Variants in MBD5 observed in about 807,000 individuals in gnomAD.
The protein encoded by MBD5 is methyl-CpG binding domain protein 5, also known as methyl-CpG-binding domain protein 5.
In MBD5, 13 loss-of-function variants were observed where a neutral mutation model predicts 117.3. That is an observed-to-expected ratio of 0.11 (90% CI 0.07 to 0.18). The LOEUF (loss-of-function observed/expected upper bound fraction) is 0.18, where lower values mean the gene tolerates loss of function less well. MBD5 is among the 10% of genes least tolerant of loss of function. MBD5 has a pLI of 1.00. For missense variants in MBD5, 1,879 were observed against 2,093.8 expected (o/e 0.90, Z 2.00); for synonymous variants, 727 against 766.4 (o/e 0.95, Z 0.85).
chr2:148,160,158 G>C (rs150885339), intron 1 of MBD5, among the ~76,000 whole-genome samples: 4,989 of 152,294 alleles, frequency 0.033, 111 homozygotes, highest in Middle Eastern at 0.068. Context: ...CCAGCACTTT[G>C]GGAGGCCGAG....
chr2:148,236,095 G>T (rs1700086163), intron 3 of MBD5, among the ~76,000 whole-genome samples: 1 of 152,034 alleles, frequency 6.6e-6, no homozygotes. Context: ...CACCATACTG[G>T]CCTCCTTTTG....
intron 4 of MBD5, among the ~76,000 whole-genome samples, chr2:148,412,272 T>TTTTTTTTGTGTGTGTG (rs946184910): frequency 1.3e-3 from 184 of 144,568 alleles, no homozygotes; most frequent in African/African-American, 4.7e-3. Flanking sequence ...AGTATACTTT[T>TTTTTTTTGTGTGTGTG]TGTGTGTGTG....
chr2:148,432,270 C>A (rs113621792), intron 4 of MBD5, among the ~76,000 whole-genome samples: 1 of 151,900 alleles, frequency 6.6e-6, no homozygotes, highest in Admixed American at 6.6e-5. Flanking sequence ...ATATTAGACC[C>A]TTGTCAGATG....
rs1371089627 is a variant in MBD5, at chr2:148,470,118, C to T, written c.2175C>T (p.Ala725=). 2 of 1,613,842 alleles carry T rather than the reference C, an allele frequency of 1.2e-6. No individual in the cohort carries two copies. The highest frequency in any genetic ancestry group is 2.2e-5 in the East Asian group (1 of 44,852). Residue 725 remains alanine, a synonymous_variant, in exon 8 of 14, where the codon GCC becomes GCT. Coordinates refer to ENST00000642680, the MANE Select transcript of MBD5 (RefSeq NM_001378120.1). ...LSSNSTPGCG[A]SNTALPCSAN... is the part of the protein sequence containing the mutation. ...GCAATAGTACCCCGGGTTGTGGGGC[C>T]TCAAATACTGCTTTGCCTTGCTCTG...
At position 148,513,215 on chromosome 2, in the gene MBD5, G is replaced by A; in HGVS notation, c.*274G>A. The A allele has an allele frequency of 2.4e-6, 1 of 412,262 alleles. No individual in the cohort carries two copies. Among genetic ancestry groups the A allele is most frequent in the South Asian group, 3.0e-5 (1 of 33,182 alleles). The allele number at this position is 412,262 out of a possible 1,614,324, so 25.5% of individuals were successfully genotyped here. On this transcript the variant is annotated 3_prime_UTR_variant, in exon 14 of 14. Coordinates refer to ENST00000642680, the MANE Select transcript of MBD5 (RefSeq NM_001378120.1). ...CTCTTTTTCTATAATACTAAATTGT[G>A]ATTATAAGAAATAGTCCAAATGTTT...
chr2:148,406,617 T>C (rs930290567), intron 4 of MBD5, among the ~76,000 whole-genome samples: 4 of 148,742 alleles, frequency 2.7e-5, no homozygotes, highest in African/African-American at 1.0e-4. Flanking sequence ...TGATGTCTAA[T>C]AAATCCATAC....
chr2:148,239,458 A>G (rs1306147077), intron 3 of MBD5, among the ~76,000 whole-genome samples: 2 of 152,176 alleles, frequency 1.3e-5, no homozygotes, highest in Admixed American at 1.3e-4. Context: ...TAGCATTTAT[A>G]TTTATAATCA....
chr2:148,395,601 T>C (rs768686317), intron 4 of MBD5, among the ~76,000 whole-genome samples: 40 of 152,078 alleles, frequency 2.6e-4, no homozygotes, highest in South Asian at 6.2e-4. Flanking sequence ...ATTTTTGTAG[T>C]TTTAGTAGAG....
chr2:148,168,889 GA>G, intron 1 of MBD5, among the ~76,000 whole-genome samples: 1 of 151,328 alleles, frequency 6.6e-6, no homozygotes, highest in Admixed American at 6.6e-5. Context: ...TATTTGGATG[GA>G]AGCAGACAGT....
intron 3 of MBD5, among the ~76,000 whole-genome samples, chr2:148,274,717 G>GTTTTTTTTTTTTTTTTTTTTTTTTTTTTT: frequency 9.1e-6 from 1 of 109,854 alleles, no homozygotes; most frequent in Non-Finnish European, 2.0e-5. Context: ...AATTAATTGA[G>GTTTTTTTTTTTTTTTTTTTTTTTTTTTTT]TTTTTTTGTT....
At chr2:148,173,187 C>A (rs1380929401) in intron 1 of MBD5, among the ~76,000 whole-genome samples, 1 of 152,210 alleles carries the variant, frequency 6.6e-6, no homozygotes, top group Non-Finnish European at 1.5e-5. Flanking sequence ...CTTCTGGGAG[C>A]CCAAACCAGG....
chr2:148,401,325 A>T (rs1704914058), intron 4 of MBD5, among the ~76,000 whole-genome samples: 1 of 151,998 alleles, frequency 6.6e-6, no homozygotes, highest in East Asian at 1.9e-4. Flanking sequence ...CTGGTTTATA[A>T]TTTGAGGTCT....
chr2:148,151,906 T>TG (rs1178993717), intron 1 of MBD5, among the ~76,000 whole-genome samples: 1 of 152,100 alleles, frequency 6.6e-6, no homozygotes. Flanking sequence ...CTGGATTCAT[T>TG]AATTTTTGAA....
chr2:148,302,051 C>A (rs1249830624), intron 3 of MBD5, among the ~76,000 whole-genome samples: 1 of 152,120 alleles, frequency 6.6e-6, no homozygotes, highest in East Asian at 1.9e-4. Flanking sequence ...CTGCCTTGCT[C>A]GTGTCTGACT....
At chr2:148,280,895 G>A (rs996533876) in intron 3 of MBD5, among the ~76,000 whole-genome samples, 1 of 152,112 alleles carries the variant, frequency 6.6e-6, no homozygotes, top group Admixed American at 6.5e-5. Context: ...TCAGCAATTT[G>A]AAGATCAGAC....
At chr2:148,172,114 G>A (rs1239325259) in intron 1 of MBD5, among the ~76,000 whole-genome samples, 3 of 152,222 alleles carry the variant, frequency 2.0e-5, no homozygotes, top group Non-Finnish European at 4.4e-5. Context: ...GTCTGGAACT[G>A]CCCCTGCAAA....
chr2:148,248,240 T>C (rs1363110271), intron 3 of MBD5, among the ~76,000 whole-genome samples: 1 of 152,152 alleles, frequency 6.6e-6, no homozygotes, highest in Non-Finnish European at 1.5e-5. Context: ...TCACTTCCCA[T>C]GACACTGCAA....
At position 148,490,553 on chromosome 2, in the gene MBD5, G is replaced by A. The variant is rs780805788; in HGVS notation, c.4921G>A (p.Asp1641Asn). 9 of 1,614,030 alleles carry A rather than the reference G, an allele frequency of 5.6e-6. No homozygotes were observed. Among genetic ancestry groups the A allele is most frequent in the East Asian group, 2.2e-5 (1 of 44,898 alleles). Residue 1641 changes from aspartate (D) to asparagine (N), a missense_variant, in exon 11 of 14, where the codon GAC becomes AAC. Physicochemically the swap from Asp to Asn is conservative, Grantham distance 23. Around this residue, in one of 4 missense-constraint regions of MBD5, gnomAD observed 135 missense variants for 148.0 expected, o/e 0.91. Coordinates refer to ENST00000642680, the MANE Select transcript of MBD5 (RefSeq NM_001378120.1). ...GCCTGGAAAATTAGTAAGAGAAGAC[G>A]ACGTTCACAATTCATGTCAACAAAG... is the stretch of plus-strand genomic sequence containing the variant. ...SWPGKLVRED[D>N]VHNSCQQSPE...
At chr2:148,226,939 G>C (rs1303685516) in intron 2 of MBD5, among the ~76,000 whole-genome samples, 2 of 151,906 alleles carry the variant, frequency 1.3e-5, no homozygotes, top group Non-Finnish European at 2.9e-5. Flanking sequence ...TCATACCCTT[G>C]ACCCACTTTT....
Sources: allele counts gnomAD v4.1 joint callset (sites outside exome capture counted in the v4.1 genomes callset), GRCh38; gene constraint gnomAD v4.1.1; regional missense constraint gnomAD v4.1.1; transcripts MANE v1.5; gene names NCBI Gene and HGNC (gene_info 2026-07-23, HGNC 2026-07-21).